The following FRMD5 variants were observed in gnomAD, a reference collection of about 807,000 sequenced individuals.
The protein encoded by FRMD5 is FERM domain containing 5.
FRMD5 carries 20 observed loss-of-function variants against 69.0 expected under a neutral mutation model. That is an observed-to-expected ratio of 0.29 (90% CI 0.20 to 0.42). The LOEUF (loss-of-function observed/expected upper bound fraction) is 0.42. Among genes scored for constraint, FRMD5 ranks in the 10% least tolerant of loss-of-function variants. The pLI is 1.00. For synonymous variants in FRMD5, 271 were observed against 260.1 expected, an observed-to-expected ratio of 1.04 and a Z score of -0.40; for missense variants, 595 against 708.6, an observed-to-expected ratio of 0.84 and a Z score of 1.82.
At chr15:44,041,210 C>G (rs1049704283) in intron 1 of FRMD5, among the ~76,000 whole-genome samples, 4 of 151,976 alleles carry the variant, frequency 2.6e-5, no homozygotes, top group Non-Finnish European at 4.4e-5. Context: ...AAAGTTCTTA[C>G]AGACCTACAA....
intron 1 of FRMD5, among the ~76,000 whole-genome samples, chr15:44,142,269 A>G (rs774158933): frequency 6.6e-6 from 1 of 152,188 alleles, no homozygotes; most frequent in Non-Finnish European, 1.5e-5. Context: ...AGACAAGGTA[A>G]AATGTCCTGC....
At chr15:44,024,524 A>G (rs1891349375) in intron 1 of FRMD5, among the ~76,000 whole-genome samples, 1 of 152,150 alleles carries the variant, frequency 6.6e-6, no homozygotes, top group Non-Finnish European at 1.5e-5. Context: ...CTTTTAACTT[A>G]TATTTCCCTA....
intron 1 of FRMD5, chr15:44,063,665 C>A: frequency 2.4e-6 from 1 of 420,600 alleles, no homozygotes; most frequent in Non-Finnish European, 4.6e-6. Flanking sequence ...TATGATTCCA[C>A]CCATAGCAAG....
chr15:44,135,812 A>T (rs1387251147), intron 1 of FRMD5, among the ~76,000 whole-genome samples: 8 of 136,382 alleles, frequency 5.9e-5, no homozygotes, highest in Non-Finnish European at 7.6e-5. Flanking sequence ...AGACAGAGTG[A>T]GACTCTGTCT....
chr15:43,897,746 G>T (rs1297289391), intron 7 of FRMD5, among the ~76,000 whole-genome samples: 1 of 152,096 alleles, frequency 6.6e-6, no homozygotes, highest in East Asian at 1.9e-4. Context: ...TGATGATATG[G>T]TTTGGCTCTG....
At chr15:44,004,749 A>G (rs1890362817) in intron 1 of FRMD5, among the ~76,000 whole-genome samples, 1 of 152,248 alleles carries the variant, frequency 6.6e-6, no homozygotes, top group Admixed American at 6.5e-5. Flanking sequence ...TAAGTGTTCA[A>G]GTAAGAGGAA....
chr15:44,010,877 TA>T (rs113434117), intron 1 of FRMD5, among the ~76,000 whole-genome samples: 71 of 148,780 alleles, frequency 4.8e-4, no homozygotes, highest in Middle Eastern at 3.5e-3. Flanking sequence ...TACTCAACGT[TA>T]AAAAAAAAAT....
At chr15:44,164,321 C>A (rs976703350) in intron 1 of FRMD5, among the ~76,000 whole-genome samples, 5 of 152,098 alleles carry the variant, frequency 3.3e-5, no homozygotes, top group Non-Finnish European at 7.4e-5. Context: ...TATACTATTT[C>A]CAACTTTTAT....
At chr15:44,021,739 C>G (rs1221775632) in intron 1 of FRMD5, among the ~76,000 whole-genome samples, 2 of 152,018 alleles carry the variant, frequency 1.3e-5, no homozygotes, top group Admixed American at 1.3e-4. Context: ...GTTATGGTCG[C>G]TCCTCAAAAA....
At chr15:44,024,942 T>C (rs1383225765) in intron 1 of FRMD5, among the ~76,000 whole-genome samples, 4 of 152,212 alleles carry the variant, frequency 2.6e-5, no homozygotes, top group Admixed American at 6.5e-5. Flanking sequence ...GGGAATGGTT[T>C]ATAGGTATGA....
intron 4 of FRMD5, among the ~76,000 whole-genome samples, chr15:43,911,138 G>A (rs1386071926): frequency 6.6e-6 from 1 of 152,148 alleles, no homozygotes; most frequent in East Asian, 1.9e-4. Flanking sequence ...CCCTTGAGTG[G>A]GTCACCTACC....
At chr15:44,121,548 TCAC>T (rs2076951260) in intron 1 of FRMD5, among the ~76,000 whole-genome samples, 5 of 152,008 alleles carry the variant, frequency 3.3e-5, no homozygotes, top group Admixed American at 3.3e-4. Flanking sequence ...CAGAGTCTAA[TCAC>T]CAAATCTCTC....
intron 1 of FRMD5, among the ~76,000 whole-genome samples, chr15:43,985,675 A>G (rs1488239065): frequency 6.6e-6 from 1 of 152,202 alleles, no homozygotes; most frequent in Non-Finnish European, 1.5e-5. Flanking sequence ...AGGAATTGAC[A>G]TTCTGTGCGG....
chr15:44,146,377 C>T (rs1236053159), intron 1 of FRMD5, among the ~76,000 whole-genome samples: 2 of 152,186 alleles, frequency 1.3e-5, no homozygotes, highest in African/African-American at 4.8e-5. Context: ...CTATGTACCA[C>T]ATTTTATCCA....
intron 1 of FRMD5, among the ~76,000 whole-genome samples, chr15:44,079,064 C>T (rs1893889384): frequency 6.6e-6 from 1 of 151,922 alleles, no homozygotes; most frequent in Admixed American, 6.6e-5. Context: ...ACTCCTATAA[C>T]CCAATAACAA....
chr15:44,002,468 G>A (rs1402526980), intron 1 of FRMD5, among the ~76,000 whole-genome samples: 1 of 152,074 alleles, frequency 6.6e-6, no homozygotes, highest in Non-Finnish European at 1.5e-5. Context: ...AAAGGAAAGG[G>A]CTTTACTCAG....
chr15:44,157,263 C>T (rs2077543480), intron 1 of FRMD5, among the ~76,000 whole-genome samples: 1 of 152,144 alleles, frequency 6.6e-6, no homozygotes, highest in Non-Finnish European at 1.5e-5. Flanking sequence ...GAACACTTAT[C>T]TTCAAAAATT....
intron 1 of FRMD5, among the ~76,000 whole-genome samples, chr15:44,039,758 T>C (rs1283109960): frequency 6.6e-6 from 1 of 152,046 alleles, no homozygotes; most frequent in East Asian, 1.9e-4. Context: ...AAAACCAGAA[T>C]GTCTCTTCTC....
At chr15:44,106,044 T>C (rs933842917) in intron 1 of FRMD5, among the ~76,000 whole-genome samples, 1 of 152,220 alleles carries the variant, frequency 6.6e-6, no homozygotes, top group Admixed American at 6.5e-5. Context: ...TTTAACTGTA[T>C]TGGTTTTTTA....
Sources: gnomAD v4.1 joint callset for allele counts (sites outside exome capture counted in the v4.1 genomes callset) on GRCh38, gnomAD v4.1.1 for gene constraint, MANE v1.5 for transcripts, NCBI Gene and HGNC (gene_info 2026-07-23, HGNC 2026-07-21) for gene names.